NECAB1: variants seen among roughly 807,000 people sequenced by gnomAD.
The protein encoded by NECAB1 is N-terminal EF-hand calcium binding protein 1, also known as N-terminal EF-hand calcium-binding protein 1.
Under a neutral mutation model 57.5 loss-of-function variants are expected in NECAB1, and 29 were observed. That is an observed-to-expected ratio of 0.50 (90% CI 0.38 to 0.69). NECAB1 has a LOEUF of 0.69. Among genes scored for constraint, NECAB1 ranks in the 30% least tolerant of loss-of-function variants. The pLI, the probability that NECAB1 is intolerant of heterozygous loss-of-function variation, is 0.00. For missense variants in NECAB1, 372 were observed against 413.8 expected, an observed-to-expected ratio of 0.90 and a Z score of 0.88; for synonymous variants, 142 against 147.7, an observed-to-expected ratio of 0.96 and a Z score of 0.28.
chr8:90,897,220 A>G (rs1399041741), intron 5 of NECAB1, among the ~76,000 whole-genome samples: 1 of 152,330 alleles, frequency 6.6e-6, no homozygotes, highest in Admixed American at 6.5e-5. Context: ...CAGATTTACT[A>G]TAGGTCCACC....
intron 3 of NECAB1, among the ~76,000 whole-genome samples, chr8:90,867,174 T>G (rs1563510849): frequency 6.6e-6 from 1 of 152,246 alleles, no homozygotes; most frequent in Non-Finnish European, 1.5e-5. Context: ...TTACAAACCT[T>G]GTCTCTTATT....
intron 6 of NECAB1, among the ~76,000 whole-genome samples, chr8:90,918,940 A>G (rs1485234742): frequency 1.3e-5 from 2 of 152,228 alleles, no homozygotes; most frequent in Non-Finnish European, 2.9e-5. Context: ...AGACCCTTAC[A>G]GACTACATGA....
At chr8:90,885,925 A>G (rs1342698312) in intron 5 of NECAB1, among the ~76,000 whole-genome samples, 1 of 152,188 alleles carries the variant, frequency 6.6e-6, no homozygotes, top group Non-Finnish European at 1.5e-5. Context: ...AGGTGTCCAG[A>G]GCTCAGTGTA....
intron 3 of NECAB1, among the ~76,000 whole-genome samples, chr8:90,842,654 T>G (rs1812473931): frequency 6.6e-6 from 1 of 152,232 alleles, no homozygotes; most frequent in African/African-American, 2.4e-5. Context: ...GTGACCACAC[T>G]CAGAGACGTT....
intron 3 of NECAB1, among the ~76,000 whole-genome samples, chr8:90,847,513 G>A (rs1812590699): frequency 6.6e-6 from 1 of 152,254 alleles, no homozygotes. Context: ...ACTAGGCAGT[G>A]CCTCAGGTGG....
At chr8:90,837,128 C>A (rs1000125843) in intron 3 of NECAB1, among the ~76,000 whole-genome samples, 1 of 152,126 alleles carries the variant, frequency 6.6e-6, no homozygotes, top group Non-Finnish European at 1.5e-5. Flanking sequence ...AAAATGGTTC[C>A]AAAAAGCCAG....
At chr8:90,887,624 G>A (rs1809038655) in intron 5 of NECAB1, among the ~76,000 whole-genome samples, 1 of 152,108 alleles carries the variant, frequency 6.6e-6, no homozygotes, top group Non-Finnish European at 1.5e-5. Context: ...TCAGCGAGAA[G>A]GTGAGACTCA....
At chr8:90,816,425 C>T (rs544330588) in intron 2 of NECAB1, among the ~76,000 whole-genome samples, 4 of 151,754 alleles carry the variant, frequency 2.6e-5, no homozygotes, top group Admixed American at 6.6e-5. Context: ...ATTCAAATCA[C>T]GGTCACTTAG....
chr8:90,894,634 T>C (rs1809278375), intron 5 of NECAB1, among the ~76,000 whole-genome samples: 1 of 152,238 alleles, frequency 6.6e-6, no homozygotes, highest in Non-Finnish European at 1.5e-5. Context: ...GTTATCTTTC[T>C]ACTTCCAAGG....
chr8:90,890,590 A>G (rs1809138182), intron 5 of NECAB1, among the ~76,000 whole-genome samples: 1 of 152,188 alleles, frequency 6.6e-6, no homozygotes, highest in Non-Finnish European at 1.5e-5. Context: ...ATATCAATAG[A>G]GCCAAAACAC....
intron 5 of NECAB1, among the ~76,000 whole-genome samples, chr8:90,902,298 T>C (rs777511229): frequency 6.6e-6 from 1 of 152,154 alleles, no homozygotes; most frequent in Non-Finnish European, 1.5e-5. Context: ...CACATGCCTG[T>C]AGTCCCAACT....
At chr8:90,951,081 T>G (rs770384441) in intron 11 of NECAB1, 32 bp from the exon 12 acceptor site, 1 of 1,321,642 alleles carries the variant, frequency 7.6e-7, no homozygotes, top group South Asian at 1.3e-5. Flanking sequence ...TAAATAAAAA[T>G]GCACAGCCTT....
intron 6 of NECAB1, among the ~76,000 whole-genome samples, chr8:90,922,548 A>AG (rs1230103103): frequency 7.9e-6 from 1 of 126,378 alleles, no homozygotes; most frequent in Non-Finnish European, 1.6e-5. Context: ...GATGGAGTGC[A>AG]GGGGCACAAT....
At chr8:90,803,050 T>C (rs1323638669) in intron 2 of NECAB1, among the ~76,000 whole-genome samples, 2 of 151,892 alleles carry the variant, frequency 1.3e-5, no homozygotes, top group South Asian at 2.1e-4. Context: ...GCACACTCCA[T>C]CACACCCGGC....
At chr8:90,815,878 C>T (rs1440690107) in intron 2 of NECAB1, among the ~76,000 whole-genome samples, 2 of 151,918 alleles carry the variant, frequency 1.3e-5, no homozygotes, top group Non-Finnish European at 2.9e-5. Context: ...CTGTGATATA[C>T]ATTCACAGGC....
At chr8:90,861,071 T>C (rs958726198) in intron 3 of NECAB1, among the ~76,000 whole-genome samples, 1 of 152,216 alleles carries the variant, frequency 6.6e-6, no homozygotes, top group African/African-American at 2.4e-5. Flanking sequence ...CAGATTGCTT[T>C]ATTTTCTATT....
chr8:90,925,829 G>A (rs1810252539), intron 7 of NECAB1, among the ~76,000 whole-genome samples, 173 bp downstream of exon 7: 1 of 152,160 alleles, frequency 6.6e-6, no homozygotes, highest in South Asian at 2.1e-4. Context: ...GGGGTGGTGA[G>A]CCTAAAATCA....
At chr8:90,793,288 A>G (rs1175289258) in intron 1 of NECAB1, among the ~76,000 whole-genome samples, 3 of 152,154 alleles carry the variant, frequency 2.0e-5, no homozygotes, top group Admixed American at 2.0e-4. Context: ...TGTAAGGCAA[A>G]TGATAGAAGT....
chr8:90,851,329 G>A (rs762471416), intron 3 of NECAB1, among the ~76,000 whole-genome samples: 4 of 152,084 alleles, frequency 2.6e-5, no homozygotes, highest in Admixed American at 1.3e-4. Context: ...GAGGGAGTGC[G>A]GGATCCTCCG....
Sources: allele counts gnomAD v4.1 joint callset (sites outside exome capture counted in the v4.1 genomes callset), GRCh38; gene constraint gnomAD v4.1.1; transcripts MANE v1.5; gene names NCBI Gene and HGNC (gene_info 2026-07-23, HGNC 2026-07-21).